GRID2: variants seen among roughly 807,000 people sequenced by gnomAD.
GRID2 encodes glutamate ionotropic receptor delta type subunit 2, also known as glutamate receptor ionotropic, delta-2.
Under a neutral mutation model 114.8 loss-of-function variants are expected in GRID2, and 33 were observed. The ratio of observed to expected loss-of-function variants is 0.29; its 90% confidence interval spans 0.22 to 0.38. The LOEUF is 0.38. GRID2 is among the 10% of genes least tolerant of loss of function. GRID2 has a pLI of 1.00. For synonymous variants in GRID2, 505 were observed against 449.9 expected (o/e 1.12, Z -1.55); for missense variants, 1,184 against 1,257.7 (o/e 0.94, Z 0.89).
At chr4:93,229,689 A>G (rs1192468588) in intron 7 of GRID2, among the ~76,000 whole-genome samples, 3 of 152,202 alleles carry the variant, frequency 2.0e-5, no homozygotes, top group South Asian at 4.1e-4. Context: ...ACAAGCAAGA[A>G]GAGAACAAGT....
At chr4:92,341,256 ATTAC>A (rs1450186956) in intron 1 of GRID2, among the ~76,000 whole-genome samples, 1 of 152,028 alleles carries the variant, frequency 6.6e-6, no homozygotes, top group East Asian at 1.9e-4. Context: ...TTGCACCTTT[ATTAC>A]TTCTGTCACT....
At chr4:93,206,978 A>G (rs936589152) in intron 4 of GRID2, among the ~76,000 whole-genome samples, 3 of 152,130 alleles carry the variant, frequency 2.0e-5, no homozygotes, top group African/African-American at 7.2e-5. Context: ...AGATAAGAAT[A>G]TTAAGTTAGA....
intron 2 of GRID2, among the ~76,000 whole-genome samples, chr4:92,711,694 G>A (rs2149310022): frequency 1.3e-5 from 2 of 152,272 alleles, no homozygotes; most frequent in Middle Eastern, 3.4e-3. Context: ...CTTGAGCCCA[G>A]GAGTTTGAGA....
intron 2 of GRID2, among the ~76,000 whole-genome samples, chr4:92,835,941 G>A (rs956839620): frequency 1.3e-5 from 2 of 151,856 alleles, no homozygotes; most frequent in Non-Finnish European, 2.9e-5. Context: ...ATACTTCTAC[G>A]GTAGTTTCTG....
intron 1 of GRID2, among the ~76,000 whole-genome samples, chr4:92,488,383 C>A (rs1722994378): frequency 6.6e-6 from 1 of 152,264 alleles, no homozygotes; most frequent in South Asian, 2.1e-4. Flanking sequence ...GATCCAGTCA[C>A]AAGGAAACTT....
chr4:92,861,032 A>G (rs1744497116), intron 2 of GRID2, among the ~76,000 whole-genome samples: 1 of 152,120 alleles, frequency 6.6e-6, no homozygotes, highest in Admixed American at 6.6e-5. Context: ...TTTTAAGTCT[A>G]AGTAAATCAA....
chr4:92,802,630 A>G (rs1005817418), intron 2 of GRID2, among the ~76,000 whole-genome samples: 2 of 151,988 alleles, frequency 1.3e-5, no homozygotes, highest in African/African-American at 2.4e-5. Flanking sequence ...TTACAAAGCT[A>G]AAGTTTGCTT....
chr4:93,341,205 A>G (rs1226896519), intron 8 of GRID2, among the ~76,000 whole-genome samples: 2 of 152,192 alleles, frequency 1.3e-5, no homozygotes, highest in Admixed American at 1.3e-4. Flanking sequence ...AAAAGGTCCA[A>G]AATTTCGGTA....
chr4:93,488,230 GA>G (rs1726605851), intron 11 of GRID2, among the ~76,000 whole-genome samples: 1 of 151,716 alleles, frequency 6.6e-6, no homozygotes, highest in Admixed American at 6.6e-5. Context: ...TCCTCATATG[GA>G]TGTAAAAATA....
intron 14 of GRID2, among the ~76,000 whole-genome samples, chr4:93,681,764 T>C (rs1331181850): frequency 1.3e-5 from 2 of 152,190 alleles, no homozygotes; most frequent in Non-Finnish European, 2.9e-5. Flanking sequence ...CCTTACGTCT[T>C]ATACAAAAAT....
chr4:93,419,505 C>T (rs1322687610), intron 9 of GRID2, among the ~76,000 whole-genome samples: 1 of 151,884 alleles, frequency 6.6e-6, no homozygotes, highest in Non-Finnish European at 1.5e-5. Flanking sequence ...GAGTACTAGT[C>T]TTAGTTAGAA....
At chr4:92,806,198 C>G (rs1740407280) in intron 2 of GRID2, among the ~76,000 whole-genome samples, 1 of 151,162 alleles carries the variant, frequency 6.6e-6, no homozygotes, top group Non-Finnish European at 1.5e-5. Flanking sequence ...CACACACACA[C>G]ACACACACAC....
intron 2 of GRID2, among the ~76,000 whole-genome samples, chr4:92,784,669 A>G (rs1327805401): frequency 6.6e-6 from 1 of 151,952 alleles, no homozygotes; most frequent in Non-Finnish European, 1.5e-5. Context: ...GTGTTTGCTG[A>G]CAGTCTTATA....
chr4:93,066,071 G>C (rs531851964), intron 2 of GRID2, among the ~76,000 whole-genome samples: 13 of 151,890 alleles, frequency 8.6e-5, no homozygotes, highest in African/African-American at 3.1e-4. Flanking sequence ...CTTCCCTGAA[G>C]TTACACTGCT....
At chr4:93,393,093 A>G (rs1324124522) in intron 8 of GRID2, among the ~76,000 whole-genome samples, 1 of 152,032 alleles carries the variant, frequency 6.6e-6, no homozygotes, top group Non-Finnish European at 1.5e-5. Context: ...CCATTATCAT[A>G]TGTGATAAGA....
intron 1 of GRID2, among the ~76,000 whole-genome samples, chr4:92,405,308 A>AC (rs1730974089): frequency 6.6e-6 from 1 of 152,198 alleles, no homozygotes; most frequent in African/African-American, 2.4e-5. Context: ...GCATGTTATT[A>AC]ATGCACACAA....
chr4:92,621,620 A>G (rs905382149), intron 2 of GRID2, among the ~76,000 whole-genome samples: 1 of 151,740 alleles, frequency 6.6e-6, no homozygotes, highest in Non-Finnish European at 1.5e-5. Context: ...ATATTACATC[A>G]CTGCACTTAG....
At chr4:93,713,567 T>C (rs1728664518) in intron 14 of GRID2, among the ~76,000 whole-genome samples, 1 of 152,016 alleles carries the variant, frequency 6.6e-6, no homozygotes, top group African/African-American at 2.4e-5. Flanking sequence ...TGCGCTTATA[T>C]TGTTCTAGGG....
intron 4 of GRID2, among the ~76,000 whole-genome samples, chr4:93,111,681 C>G (rs1001423341): frequency 3.3e-5 from 5 of 150,366 alleles, no homozygotes; most frequent in Admixed American, 6.7e-5. Context: ...CTGTTCATGA[C>G]TTTACAAACT....
Sources: gnomAD v4.1 joint callset for allele counts (sites outside exome capture counted in the v4.1 genomes callset) on GRCh38, gnomAD v4.1.1 for gene constraint, MANE v1.5 for transcripts, NCBI Gene and HGNC (gene_info 2026-07-23, HGNC 2026-07-21) for gene names.